ASTN2: variants seen among roughly 807,000 people sequenced by gnomAD.
ASTN2 encodes the protein astrotactin-2.
In ASTN2, 54 loss-of-function variants were observed where a neutral mutation model predicts 139.8. That is an observed-to-expected ratio of 0.39 (90% CI 0.31 to 0.48). The LOEUF is 0.48. ASTN2 is among the 20% of genes least tolerant of loss of function. ASTN2 has a pLI of 0.95. For synonymous variants in ASTN2, 756 were observed against 719.5 expected, an observed-to-expected ratio of 1.05 and a Z score of -0.81; for missense variants, 1,565 against 1,725.1, an observed-to-expected ratio of 0.91 and a Z score of 1.64.
In ASTN2 at chr9:117,204,263, C is replaced by T. The variant is rs867717046; in HGVS notation, c.1015+10095G>A. On this transcript the variant is annotated intron_variant, in intron 3 of 22. Coordinates refer to ENST00000313400, the MANE Select transcript of ASTN2 (RefSeq NM_001365068.1). ...TAGTAGAGACAGGGTTTTTCCATTT[C>T]GGCCAGGCTGGTCTGGAACTCCTGG... Among the ~76,000 whole-genome samples the T allele has an allele frequency of 1.2e-4, 18 of 152,116 alleles. No homozygotes were observed. In the South Asian group the frequency reaches 1.7e-3, roughly 14 times the overall value.
chr9:117,212,660 A>C (rs1832176461), intron 3 of ASTN2, among the ~76,000 whole-genome samples: 1 of 152,226 alleles, frequency 6.6e-6, no homozygotes, highest in Non-Finnish European at 1.5e-5. Context: ...AAAGACATAC[A>C]AGTGACCAAC....
intron 12 of ASTN2, among the ~76,000 whole-genome samples, chr9:116,819,613 G>A (rs1331416916): frequency 2.0e-5 from 3 of 152,154 alleles, no homozygotes; most frequent in Non-Finnish European, 4.4e-5. Context: ...TGAAACACAG[G>A]ACTGAAAATG....
At chr9:116,886,187 C>T (rs1015024306) in intron 10 of ASTN2, among the ~76,000 whole-genome samples, 1 of 152,166 alleles carries the variant, frequency 6.6e-6, no homozygotes, top group Non-Finnish European at 1.5e-5. Flanking sequence ...GTCCACAGGT[C>T]TGGTTTGCTC....
chr9:116,653,644 G>A (rs751015630), intron 16 of ASTN2, among the ~76,000 whole-genome samples: 84 of 152,316 alleles, frequency 5.5e-4, no homozygotes, highest in African/African-American at 1.9e-3. Context: ...TGGAAATAGG[G>A]GCCCTGCGCC....
intron 19 of ASTN2, among the ~76,000 whole-genome samples, chr9:116,539,924 T>A (rs752950796): frequency 1.3e-5 from 2 of 152,210 alleles, no homozygotes; most frequent in Non-Finnish European, 1.5e-5. Context: ...AATGAGCCCT[T>A]TCAATGAGCT....
At chr9:116,830,773 C>T (rs1326770132) in intron 11 of ASTN2, among the ~76,000 whole-genome samples, 1 of 131,366 alleles carries the variant, frequency 7.6e-6, no homozygotes, top group East Asian at 2.3e-4. Flanking sequence ...GCCTGGGCAA[C>T]AGAGTGAGAC....
intron 16 of ASTN2, among the ~76,000 whole-genome samples, chr9:116,658,014 A>G (rs1858325497): frequency 6.6e-6 from 1 of 151,820 alleles, no homozygotes; most frequent in Non-Finnish European, 1.5e-5. Flanking sequence ...CCTCCTGAGT[A>G]GTTGGGACTA....
chr9:116,469,937 G>A (rs143832119), intron 20 of ASTN2, among the ~76,000 whole-genome samples: 115 of 152,208 alleles, frequency 7.6e-4, no homozygotes, highest in African/African-American at 2.7e-3. Flanking sequence ...GGGCACGGTG[G>A]CTCACGTCTG....
intron 10 of ASTN2, among the ~76,000 whole-genome samples, chr9:116,898,868 C>T (rs1184801184): frequency 6.6e-6 from 1 of 152,054 alleles, no homozygotes; most frequent in Non-Finnish European, 1.5e-5. Context: ...AGATGGGTCT[C>T]ACTATATCGC....
At chr9:116,498,150 A>G (rs910308468) in intron 19 of ASTN2, among the ~76,000 whole-genome samples, 5 of 152,224 alleles carry the variant, frequency 3.3e-5, no homozygotes, top group African/African-American at 1.2e-4. Context: ...CAAGCCTTCC[A>G]AACACACAGC....
At chr9:117,358,347 T>C (rs529387938) in intron 1 of ASTN2, among the ~76,000 whole-genome samples, 1 of 151,570 alleles carries the variant, frequency 6.6e-6, no homozygotes, top group East Asian at 1.9e-4. Flanking sequence ...AAATCTGGGG[T>C]ATTGTCAGTT....
intron 16 of ASTN2, among the ~76,000 whole-genome samples, chr9:116,672,134 G>A (rs1375142488): frequency 6.6e-6 from 1 of 152,104 alleles, no homozygotes; most frequent in Non-Finnish European, 1.5e-5. Flanking sequence ...AGCACTTTGG[G>A]AGGCTGAGGC....
At chr9:116,451,835 T>TGTCC (rs998443722) in intron 20 of ASTN2, among the ~76,000 whole-genome samples, 1 of 151,148 alleles carries the variant, frequency 6.6e-6, no homozygotes, top group African/African-American at 2.4e-5. Context: ...GCAAATGATC[T>TGTCC]GAGTGTATTC....
At chr9:116,882,664 T>A (rs554464795) in intron 10 of ASTN2, among the ~76,000 whole-genome samples, 1 of 152,222 alleles carries the variant, frequency 6.6e-6, no homozygotes, top group Admixed American at 6.5e-5. Flanking sequence ...TTGTATTTAT[T>A]TGACAAGAAG....
intron 7 of ASTN2, among the ~76,000 whole-genome samples, chr9:116,987,334 G>T (rs968236017): frequency 2.6e-5 from 4 of 152,222 alleles, no homozygotes; most frequent in Admixed American, 2.6e-4. Flanking sequence ...ATTGGTGTTG[G>T]CTCAGCTCAT....
rs1831280152 is a variant in ASTN2 at position 117,414,740 on chromosome 9, T to C, written c.199A>G (p.Thr67Ala). Residue 67 changes from threonine (T) to alanine (A), a missense_variant, in exon 1 of 23, where the codon ACC becomes GCC. This residue lies in a region of ASTN2 where 596 missense variants were observed against 576.8 expected (regional missense o/e 1.03). Transcript: ENST00000313400. This position sits in a 1 kb window ranked among gnomAD's most constrained non-coding sequence, Gnocchi z 4.2. ...REPDSPCRLKTVTVSTLPALR... is the reference protein window; with the variant it reads ...REPDSPCRLKAVTVSTLPALR... Reference sequence around the variant, plus strand: ...GCGGGCAGTGTGGACACCGTGACGGTCTTCAGCCGGCACGGGCTGTCGGGC... The same window carrying C: ...GCGGGCAGTGTGGACACCGTGACGGCCTTCAGCCGGCACGGGCTGTCGGGC... 7.9e-7 allele frequency: 1 copy of C among 1,273,112 alleles called. No individual in the cohort carries two copies. The highest frequency in any genetic ancestry group is 9.9e-7 in the Non-Finnish European group (1 of 1,008,920). The allele number at this position is 1,273,112 out of a possible 1,614,324, so 78.9% of individuals were successfully genotyped here.
intron 11 of ASTN2, among the ~76,000 whole-genome samples, chr9:116,834,418 T>C (rs1426570966): frequency 6.6e-6 from 1 of 152,200 alleles, no homozygotes; most frequent in Non-Finnish European, 1.5e-5. Context: ...ATTGTAGAAT[T>C]GTCTATTTTT....
intron 4 of ASTN2, among the ~76,000 whole-genome samples, chr9:117,122,512 A>T (rs552716831): frequency 1.3e-5 from 2 of 152,318 alleles, no homozygotes; most frequent in South Asian, 2.1e-4. Context: ...TATGGATACA[A>T]GGATACAAGC....
chr9:117,393,563 C>T (rs1387177143), intron 1 of ASTN2, among the ~76,000 whole-genome samples: 1 of 152,184 alleles, frequency 6.6e-6, no homozygotes, highest in Non-Finnish European at 1.5e-5. Context: ...ATTCCATTCT[C>T]GTGCCATCAC....
Sources: allele counts gnomAD v4.1 joint callset (sites outside exome capture counted in the v4.1 genomes callset), GRCh38; gene constraint gnomAD v4.1.1; regional missense constraint gnomAD v4.1.1; non-coding constraint Gnocchi (gnomAD v3.1); transcripts MANE v1.5; gene names NCBI Gene and HGNC (gene_info 2026-07-23, HGNC 2026-07-21).